The following MEGF11 variants were observed in gnomAD, a reference collection of about 807,000 sequenced individuals.
The protein encoded by MEGF11 is multiple EGF like domains 11.
A neutral mutation model predicts 146.6 loss-of-function variants in MEGF11; 126 were observed. The ratio of observed to expected loss-of-function variants is 0.86; its 90% confidence interval spans 0.74 to 1.00. The LOEUF is 1.00. MEGF11 is among the 50% of genes least tolerant of loss of function. MEGF11 has a pLI of 0.00. For missense variants in MEGF11, 1,509 were observed against 1,521.2 expected (o/e 0.99, Z 0.13); for synonymous variants, 532 against 583.4 (o/e 0.91, Z 1.27).
At chr15:65,959,626 A>G (rs1313360928) in intron 9 of MEGF11, among the ~76,000 whole-genome samples, 5 of 152,218 alleles carry the variant, frequency 3.3e-5, no homozygotes, top group Non-Finnish European at 7.4e-5. Context: ...TAAGGAAATA[A>G]TCATAGCTGT....
chr15:65,957,894 T>G (rs925269775), intron 9 of MEGF11, among the ~76,000 whole-genome samples, 173 bp from the exon 10 acceptor site: 1 of 152,182 alleles, frequency 6.6e-6, no homozygotes, highest in African/African-American at 2.4e-5. Flanking sequence ...CCACATGGTC[T>G]CATTAGCACC....
intron 24 of MEGF11, among the ~76,000 whole-genome samples, chr15:65,901,368 T>C (rs1017512695): frequency 6.6e-6 from 1 of 152,080 alleles, no homozygotes; most frequent in African/African-American, 2.4e-5. Flanking sequence ...GTAGCAATTA[T>C]AGTCTTCATT....
chr15:66,189,552 C>T (rs1417917265), intron 1 of MEGF11, among the ~76,000 whole-genome samples: 2 of 152,170 alleles, frequency 1.3e-5, no homozygotes, highest in Admixed American at 6.5e-5. Flanking sequence ...CAGGAGCCCT[C>T]TCAGCTCTGC....
intron 7 of MEGF11, 86 bp from the exon 8 acceptor site, chr15:65,970,775 G>C: frequency 6.8e-7 from 1 of 1,460,344 alleles, no homozygotes; most frequent in East Asian, 2.5e-5. Flanking sequence ...GTGGCTCCAG[G>C]GACCACCCAA....
At position 65,969,545 on chromosome 15, in the gene MEGF11, A is replaced by G. The variant is rs372181358; in HGVS notation, c.899+1008T>C. Among the ~76,000 whole-genome samples the G allele has an allele frequency of 3.7e-4, 56 of 152,294 alleles. No individual in the cohort carries two copies. The East Asian group carries it at 7.0e-3, about 19-fold the overall frequency. ...TTCCAGCTGGAGGTAAATAAGCCCAAGGCTAATGGACAATCTCTTTTCTGG... is the reference window on the plus strand; with the variant it reads ...TTCCAGCTGGAGGTAAATAAGCCCAGGGCTAATGGACAATCTCTTTTCTGG... On this transcript the variant is annotated intron_variant, in intron 8 of 25. Coordinates refer to ENST00000395614, the MANE Select transcript of MEGF11 (RefSeq NM_001385028.1).
chr15:66,130,598 A>G (rs542648600), intron 1 of MEGF11, among the ~76,000 whole-genome samples: 4 of 151,914 alleles, frequency 2.6e-5, no homozygotes, highest in African/African-American at 7.3e-5. Flanking sequence ...CATGAAAAGA[A>G]AGAGAGAGAG....
chr15:66,169,811 C>T (rs1043096241), intron 1 of MEGF11, among the ~76,000 whole-genome samples: 8 of 152,302 alleles, frequency 5.3e-5, no homozygotes, highest in Non-Finnish European at 1.0e-4. Flanking sequence ...TACCCGCAGG[C>T]GGAGCAGGAG....
rs544808460 is a variant in MEGF11 at position 66,131,699 on chromosome 15, G to A, written c.-8-3288C>T. Reference sequence around the variant, plus strand: ...AAATCTCTCAGACAAAGATCTCCAAGGGTGAATAAGCTCAGGAAATGCTGC... The same window carrying A: ...AAATCTCTCAGACAAAGATCTCCAAAGGTGAATAAGCTCAGGAAATGCTGC... On this transcript the variant is annotated intron_variant, in intron 1 of 25. Coordinates refer to ENST00000395614, the MANE Select transcript of MEGF11 (RefSeq NM_001385028.1). Among the ~76,000 whole-genome samples the A allele has an allele frequency of 3.3e-4, 50 of 152,294 alleles. No homozygotes were observed. The South Asian group carries it at 0.01, about 31-fold the overall frequency.
At chr15:66,178,952 C>T (rs2090466069) in intron 1 of MEGF11, among the ~76,000 whole-genome samples, 1 of 152,032 alleles carries the variant, frequency 6.6e-6, no homozygotes, top group Admixed American at 6.6e-5. Flanking sequence ...ATGCTGAAAA[C>T]TTATTCCATG....
At chr15:65,998,171 GCAGGA>G (rs1273506417) in intron 5 of MEGF11, among the ~76,000 whole-genome samples, 1 of 152,188 alleles carries the variant, frequency 6.6e-6, no homozygotes, top group African/African-American at 2.4e-5. Flanking sequence ...AAGCAGTAAA[GCAGGA>G]CTTCCCTGTG....
intron 1 of MEGF11, among the ~76,000 whole-genome samples, chr15:66,197,409 ATGTTTTTTGTTGTTTT>A (rs1191307986): frequency 6.6e-6 from 1 of 151,706 alleles, no homozygotes; most frequent in Non-Finnish European, 1.5e-5. Flanking sequence ...CATGGAGCTG[ATGTTTTTTGTTGTTTT>A]TGTTTTTTGT....
chr15:66,031,347 A>G (rs931308721), intron 5 of MEGF11, among the ~76,000 whole-genome samples: 17 of 152,172 alleles, frequency 1.1e-4, no homozygotes, highest in African/African-American at 4.1e-4. Context: ...TAGGGCATAG[A>G]ATATGCAAGG....
chr15:65,909,547 C>T (rs1050944076), intron 22 of MEGF11, among the ~76,000 whole-genome samples, 193 bp downstream of exon 22: 15 of 152,144 alleles, frequency 9.9e-5, no homozygotes, highest in African/African-American at 2.7e-4. Flanking sequence ...TGGGTCATAG[C>T]AGGGACTTAG....
chr15:66,051,745 A>AG (rs2084455020), intron 5 of MEGF11, among the ~76,000 whole-genome samples: 1 of 151,974 alleles, frequency 6.6e-6, no homozygotes. Context: ...TAGAACTCAG[A>AG]GGGGAGGGAG....
In MEGF11 at chr15:66,124,090, G is replaced by A. The variant is rs2088204734; in HGVS notation, c.99-90C>T. 2.9e-6 allele frequency: 3 copies of A among 1,038,112 alleles called. No homozygotes were observed. In the South Asian group the frequency reaches 4.1e-5, roughly 14 times the overall value. The allele number at this position is 1,038,112 out of a possible 1,614,324, so 64.3% of individuals were successfully genotyped here. A position where few individuals can be genotyped will look rare whatever the true frequency, so the allele number is the denominator to read the frequency against. ...GGGCATCTGAGCCCACAGCCCTGAG[G>A]CCAAGCTCCACAGCCAAGTGTCCGG... On this transcript the variant is annotated intron_variant, in intron 2 of 25. Coordinates refer to ENST00000395614, the MANE Select transcript of MEGF11 (RefSeq NM_001385028.1).
At chr15:66,110,795 T>C (rs1597093436) in intron 4 of MEGF11, among the ~76,000 whole-genome samples, 1 of 152,096 alleles carries the variant, frequency 6.6e-6, no homozygotes, top group East Asian at 1.9e-4. Context: ...AGGCTGAGTT[T>C]CAGACAGGCC....
intron 1 of MEGF11, among the ~76,000 whole-genome samples, chr15:66,186,941 T>C (rs2141173598): frequency 1.3e-5 from 2 of 152,260 alleles, no homozygotes; most frequent in Non-Finnish European, 2.9e-5. Context: ...CTATCTACAA[T>C]TTTGTCTTAG....
intron 1 of MEGF11, among the ~76,000 whole-genome samples, chr15:66,181,908 C>G (rs2090559811): frequency 6.6e-6 from 1 of 152,180 alleles, no homozygotes; most frequent in African/African-American, 2.4e-5. Context: ...TGAGGAAGGG[C>G]TCCACTGAAG....
intron 5 of MEGF11, among the ~76,000 whole-genome samples, chr15:65,996,134 C>G (rs1201737431): frequency 6.6e-6 from 1 of 152,128 alleles, no homozygotes; most frequent in Non-Finnish European, 1.5e-5. Flanking sequence ...AAGACACATC[C>G]CCTCTTTGGC....
Sources: gnomAD v4.1 joint callset for allele counts (sites outside exome capture counted in the v4.1 genomes callset) on GRCh38, gnomAD v4.1.1 for gene constraint, MANE v1.5 for transcripts, NCBI Gene and HGNC (gene_info 2026-07-23, HGNC 2026-07-21) for gene names.